Variants in ADGB observed in about 807,000 individuals in gnomAD.
ADGB encodes androglobin, also known as calpain-7-like protein.
A neutral mutation model predicts 210.5 loss-of-function variants in ADGB; 172 were observed. The observed-to-expected ratio is 0.82, with a 90% CI of 0.72 to 0.93. The LOEUF is 0.93. Ranked by LOEUF, ADGB falls within the 40% of genes least tolerant of loss-of-function variation. ADGB has a pLI of 0.00. For synonymous variants in ADGB, 658 were observed against 662.7 expected (o/e 0.99, Z 0.11); for missense variants, 2,025 against 1,964.8 (o/e 1.03, Z -0.58).
intron 3 of ADGB, among the ~76,000 whole-genome samples, chr6:146,652,648 G>A (rs1341015771): frequency 6.6e-6 from 1 of 151,874 alleles, no homozygotes; most frequent in African/African-American, 2.4e-5. Flanking sequence ...ATTTAGAAGT[G>A]TACTAATTAA....
chr6:146,682,107 T>A (rs1261779539), intron 9 of ADGB, among the ~76,000 whole-genome samples: 3 of 152,124 alleles, frequency 2.0e-5, no homozygotes, highest in Non-Finnish European at 4.4e-5. Flanking sequence ...AAATCATATA[T>A]AATCTTTAAC....
intron 3 of ADGB, among the ~76,000 whole-genome samples, chr6:146,646,261 C>G (rs1206593759): frequency 6.6e-6 from 1 of 151,970 alleles, no homozygotes; most frequent in African/African-American, 2.4e-5. Context: ...TTTATTTTGG[C>G]TCATATTAAT....
intron 29 of ADGB, among the ~76,000 whole-genome samples, chr6:146,773,083 A>C (rs1435990087): frequency 6.6e-6 from 1 of 152,144 alleles, no homozygotes; most frequent in Admixed American, 6.6e-5. Flanking sequence ...ATAGCTCACT[A>C]TTCAAGGCCA....
At chr6:146,723,470 T>C (rs1031285998) in intron 17 of ADGB, among the ~76,000 whole-genome samples, 2 of 152,194 alleles carry the variant, frequency 1.3e-5, no homozygotes, top group African/African-American at 4.8e-5. Context: ...GCATGGTGGC[T>C]CACTCCTGTA....
At chr6:146,607,742 T>A (rs187990339) in intron 1 of ADGB, among the ~76,000 whole-genome samples, 1 of 152,298 alleles carries the variant, frequency 6.6e-6, no homozygotes, top group East Asian at 1.9e-4. Flanking sequence ...GAATAATGCC[T>A]ACTTTATTGT....
At chr6:146,750,057 T>C (rs566928491) in intron 26 of ADGB, among the ~76,000 whole-genome samples, 1 of 151,866 alleles carries the variant, frequency 6.6e-6, no homozygotes, top group South Asian at 2.1e-4. Context: ...ACGTGGAAGG[T>C]GGTAAGATAA....
At chr6:146,725,024 G>C (rs566845626) in intron 18 of ADGB, 2 of 152,276 alleles carry the variant, frequency 1.3e-5, no homozygotes, top group South Asian at 4.1e-4. Flanking sequence ...GAAAAGCTAT[G>C]TCTCTTATGC....
intron 1 of ADGB, among the ~76,000 whole-genome samples, chr6:146,633,167 T>G (rs1005644969): frequency 1.3e-5 from 2 of 152,126 alleles, no homozygotes; most frequent in Non-Finnish European, 2.9e-5. Context: ...TACCACGGTC[T>G]TCTGTCGATA....
chr6:146,755,274 A>T (rs1343137064), intron 27 of ADGB, among the ~76,000 whole-genome samples: 1 of 151,844 alleles, frequency 6.6e-6, no homozygotes, highest in African/African-American at 2.4e-5. Context: ...GTAAATGGAT[A>T]TTTTTTCTAC....
At chr6:146,613,251 C>T (rs976601687) in intron 1 of ADGB, among the ~76,000 whole-genome samples, 1 of 152,128 alleles carries the variant, frequency 6.6e-6, no homozygotes, top group Admixed American at 6.5e-5. Flanking sequence ...GTGAATCAAA[C>T]GTAACACAGC....
chr6:146,658,950 G>T (rs771762147), intron 5 of ADGB, among the ~76,000 whole-genome samples: 5 of 152,178 alleles, frequency 3.3e-5, no homozygotes, highest in Non-Finnish European at 7.3e-5. Flanking sequence ...GTAGGCATGT[G>T]ATAGAGAGGC....
chr6:146,754,199 A>C (rs1480256282), intron 27 of ADGB, among the ~76,000 whole-genome samples: 1 of 151,282 alleles, frequency 6.6e-6, no homozygotes, highest in Admixed American at 6.6e-5. Flanking sequence ...AGGATTTTTT[A>C]AATTTTTAAA....
chr6:146,760,017 C>G (rs1777462590), intron 27 of ADGB, among the ~76,000 whole-genome samples: 1 of 151,516 alleles, frequency 6.6e-6, no homozygotes. Context: ...GCCCTTTTAC[C>G]TATGTGTTTC....
chr6:146,722,998 A>G (rs1242605560), intron 17 of ADGB, among the ~76,000 whole-genome samples: 2 of 152,218 alleles, frequency 1.3e-5, no homozygotes, highest in African/African-American at 4.8e-5. Flanking sequence ...TAAATGTACA[A>G]TAAGTATTTC....
intron 27 of ADGB, among the ~76,000 whole-genome samples, chr6:146,759,577 G>C (rs7748788): frequency 0.56 from 84,953 of 151,342 alleles, 26,065 homozygotes; most frequent in African/African-American, 0.81. Context: ...TGTGATATGC[G>C]CAATCTTTAA....
intron 29 of ADGB, among the ~76,000 whole-genome samples, chr6:146,772,618 ATATAT>A (rs869145642): frequency 4.1e-5 from 6 of 147,334 alleles, no homozygotes; most frequent in African/African-American, 7.4e-5. Flanking sequence ...AATATATATT[ATATAT>A]TATATTTATA....
chr6:146,792,322 A>G (rs1360589088), intron 33 of ADGB, among the ~76,000 whole-genome samples: 1 of 152,164 alleles, frequency 6.6e-6, no homozygotes, highest in East Asian at 1.9e-4. Flanking sequence ...TGGTATGGAC[A>G]TTTTAACATT....
chr6:146,727,042 A>G (rs754141512), intron 19 of ADGB, among the ~76,000 whole-genome samples: 3 of 152,192 alleles, frequency 2.0e-5, no homozygotes, highest in Non-Finnish European at 4.4e-5. Flanking sequence ...GATGAGGTCA[A>G]TGGGACCAGT....
intron 5 of ADGB, among the ~76,000 whole-genome samples, chr6:146,663,596 C>T (rs529432409): frequency 1.3e-5 from 2 of 152,130 alleles, no homozygotes; most frequent in South Asian, 2.1e-4. Flanking sequence ...CACATAGACA[C>T]ATGCACGCAA....
Sources: gnomAD v4.1 joint callset for allele counts (sites outside exome capture counted in the v4.1 genomes callset) on GRCh38, gnomAD v4.1.1 for gene constraint, MANE v1.5 for transcripts, NCBI Gene and HGNC (gene_info 2026-07-23, HGNC 2026-07-21) for gene names.